The following PDE1A variants were observed in gnomAD, a reference collection of about 807,000 sequenced individuals.
The protein encoded by PDE1A is phosphodiesterase 1A, also known as dual specificity calcium/calmodulin-dependent 3',5'-cyclic nucleotide phosphodiesterase 1A.
Under a neutral mutation model 61.7 loss-of-function variants are expected in PDE1A, and 35 were observed. The ratio of observed to expected loss-of-function variants is 0.57; its 90% confidence interval spans 0.43 to 0.75. The LOEUF is 0.75. Ranked by LOEUF, PDE1A falls within the 30% of genes least tolerant of loss-of-function variation. PDE1A has a pLI of 0.00. For synonymous variants in PDE1A, 232 were observed against 213.2 expected (o/e 1.09, Z -0.77); for missense variants, 597 against 630.6 (o/e 0.95, Z 0.57).
chr2:182,638,104 A>G, the PDE1A span, among the ~76,000 whole-genome samples: 2 of 152,228 alleles, frequency 1.3e-5, no homozygotes, highest in African/African-American at 2.4e-5. Flanking sequence ...AATTAATAAT[A>G]TTGTACAAAT....
At chr2:182,635,135 A>T in the PDE1A span, among the ~76,000 whole-genome samples, 3 of 152,114 alleles carry the variant, frequency 2.0e-5, no homozygotes. Context: ...AAAAAAAAAA[A>T]AAGCTGATTT....
At chr2:182,607,857 GA>G in the PDE1A span, among the ~76,000 whole-genome samples, 1 of 152,168 alleles carries the variant, frequency 6.6e-6, no homozygotes, top group South Asian at 2.1e-4. Flanking sequence ...TGAATAAAGG[GA>G]GAAGGCACAT....
chr2:182,396,650 G>A (rs1258322748), intron 1 of PDE1A, among the ~76,000 whole-genome samples: 1 of 151,856 alleles, frequency 6.6e-6, no homozygotes, highest in Non-Finnish European at 1.5e-5. Context: ...AAGATTTATT[G>A]ACTTCATGTC....
chr2:182,712,771 T>C, the PDE1A span, among the ~76,000 whole-genome samples: 13 of 152,138 alleles, frequency 8.5e-5, no homozygotes, highest in Admixed American at 4.6e-4. Context: ...TTAGCCAGGA[T>C]GGTCTCAATC....
chr2:182,526,236 A>AT (rs556936109), upstream of PDE1A, among the ~76,000 whole-genome samples: 46 of 152,268 alleles, frequency 3.0e-4, no homozygotes, highest in African/African-American at 1.1e-3. Context: ...ACCAAAAATA[A>AT]TTTTCAAATA....
At chr2:182,379,815 T>A (rs538799958) in intron 1 of PDE1A, among the ~76,000 whole-genome samples, 1 of 152,306 alleles carries the variant, frequency 6.6e-6, no homozygotes, top group East Asian at 1.9e-4. Context: ...AGGATGAAGA[T>A]CTTTTCTATT....
intron 3 of PDE1A, among the ~76,000 whole-genome samples, chr2:182,238,297 A>G (rs572473402): frequency 6.6e-6 from 1 of 151,368 alleles, no homozygotes; most frequent in Non-Finnish European, 1.5e-5. Context: ...AAGAAAAAGA[A>G]AAGAATGACA....
intron 1 of PDE1A, among the ~76,000 whole-genome samples, chr2:182,329,676 C>A (rs1697275761): frequency 6.6e-6 from 1 of 152,196 alleles, no homozygotes; most frequent in Admixed American, 6.5e-5. Flanking sequence ...CAGGCGTGAG[C>A]CACCAGGCCT....
At chr2:182,593,090 GA>G in the PDE1A span, among the ~76,000 whole-genome samples, 4 of 152,212 alleles carry the variant, frequency 2.6e-5, no homozygotes, top group Non-Finnish European at 5.9e-5. Context: ...TTGCTTAGGA[GA>G]CAGTGAGAGT....
At chr2:182,458,962 T>A (rs1686096867) in intron 2 of PDE1A, among the ~76,000 whole-genome samples, 2 of 152,146 alleles carry the variant, frequency 1.3e-5, no homozygotes, top group African/African-American at 2.4e-5. Context: ...AGCTTATCAA[T>A]ATCTTCTCTT....
intron 8 of PDE1A, among the ~76,000 whole-genome samples, chr2:182,203,860 G>C (rs1686876339): frequency 6.6e-6 from 1 of 151,764 alleles, no homozygotes; most frequent in South Asian, 2.1e-4. Flanking sequence ...CAAACGTATA[G>C]CATCAAATAG....
Position 182,184,053 on chromosome 2 carries a change from A to C in PDE1A, c.1516+1839T>G, listed in dbSNP as rs569168248. On this transcript the variant is annotated intron_variant, in intron 13 of 13. Coordinates refer to ENST00000351439, the Ensembl canonical transcript of PDE1A. ...AAGAAAGAAAGAAAGAAAGAAAGAA[A>C]GAACAATTAAAGAAATTGACAGAGA... Among the ~76,000 whole-genome samples the C allele has an allele frequency of 4.3e-5, 6 of 138,146 alleles. No homozygotes were observed. The East Asian group carries it at 1.3e-3, about 30-fold the overall frequency. 90.6% of individuals were successfully genotyped at this position (138,146 alleles called of 152,430 possible).
chr2:182,238,006 C>T (rs1372617820), intron 3 of PDE1A, among the ~76,000 whole-genome samples: 2 of 152,040 alleles, frequency 1.3e-5, no homozygotes, highest in African/African-American at 4.8e-5. Context: ...CGGTGGCTCA[C>T]GCCTGTAATC....
In PDE1A at chr2:182,156,778, T is replaced by C. The variant is rs1212098670; in HGVS notation, c.1517-9626A>G. ...AGCAGCAAGGCCTGCACAAGTCCTA[T>C]ACCCGTGGGGATTTCAAAGTAAAGG... is the stretch of plus-strand genomic sequence containing the variant. On this transcript the variant is annotated intron_variant, in intron 13 of 13. Coordinates refer to the PDE1A transcript ENST00000409365. Among the ~76,000 whole-genome samples the C allele has an allele frequency of 2.6e-5, 4 of 152,046 alleles. No individual in the cohort carries two copies. The South Asian group carries it at 6.2e-4, about 24-fold the overall frequency.
the PDE1A span, among the ~76,000 whole-genome samples, chr2:182,620,563 A>G: frequency 3.3e-5 from 5 of 152,226 alleles, no homozygotes; most frequent in Admixed American, 6.5e-5. Flanking sequence ...AATACATTTT[A>G]TAATTCTCTT....
rs369326474 is a variant in PDE1A at position 182,274,531 on chromosome 2, G to A, written c.54-10117C>T. The stretch of plus-strand genomic sequence containing the variant: ...GAAAAATTGAGTCATTTCAAGAAGC[G>A]TCTCTTGAAAGGCCAATTTTTTGGA... On this transcript the variant is annotated intron_variant, in intron 1 of 13. Coordinates refer to ENST00000351439, the Ensembl canonical transcript of PDE1A. 9.9e-5 allele frequency among the ~76,000 whole-genome samples: 15 copies of A among 152,206 alleles called. No individual in the cohort carries two copies. In the East Asian group the frequency reaches 1.2e-3, roughly 12 times the overall value.
intron 13 of PDE1A, chr2:182,168,311 C>T (rs1481174114): frequency 2.0e-6 from 3 of 1,527,248 alleles, no homozygotes; most frequent in Admixed American, 4.3e-5. Context: ...AAAAAGCGTA[C>T]TTATTTTAAT....
chr2:182,383,010 A>C (rs1018344145), intron 1 of PDE1A, among the ~76,000 whole-genome samples: 2 of 152,144 alleles, frequency 1.3e-5, no homozygotes, highest in Admixed American at 1.3e-4. Context: ...CCATACCACC[A>C]ATACGTTAAA....
the PDE1A span, among the ~76,000 whole-genome samples, chr2:182,641,668 A>G: frequency 2.0e-5 from 3 of 152,224 alleles, no homozygotes; most frequent in Non-Finnish European, 2.9e-5. Flanking sequence ...ATCTTCACAT[A>G]ATAAGTTAAT....
Sources: allele counts gnomAD v4.1 joint callset (sites outside exome capture counted in the v4.1 genomes callset), GRCh38; gene constraint gnomAD v4.1.1; transcripts MANE v1.5; gene names NCBI Gene and HGNC (gene_info 2026-07-23, HGNC 2026-07-21).